THRA: variants seen among roughly 807,000 people sequenced by gnomAD.
THRA encodes thyroid hormone receptor alpha.
Under a neutral mutation model 45.0 loss-of-function variants are expected in THRA, and 13 were observed. The observed-to-expected ratio is 0.29, with a 90% CI of 0.19 to 0.46. THRA has a LOEUF of 0.46. Among genes scored for constraint, THRA ranks in the 20% least tolerant of loss-of-function variants. The pLI, the probability that THRA is intolerant of heterozygous loss-of-function variation, is 1.00. For synonymous variants in THRA, 195 were observed against 214.0 expected (o/e 0.91, Z 0.78); for missense variants, 278 against 556.1 (o/e 0.50, Z 5.03).
At chr17:40,088,946 C>T (rs1316441793) in intron 8 of THRA, among the ~76,000 whole-genome samples, 1 of 149,024 alleles carries the variant, frequency 6.7e-6, no homozygotes, top group Non-Finnish European at 1.5e-5. Context: ...TCTCCCCCAG[C>T]CCCCGGCCTG....
chr17:40,092,904 T>G lies in THRA; in HGVS notation c.*3448T>G. 4 of 1,407,878 alleles carry G rather than the reference T, an allele frequency of 2.8e-6. No homozygotes were observed. The highest frequency in any genetic ancestry group is 2.5e-5 in the East Asian group (1 of 40,370). The allele number at this position is 1,407,878 out of a possible 1,614,324, so 87.2% of individuals were successfully genotyped here. Reference sequence around the variant, plus strand: ...TAGGGGAGGAGGGGAAGTTCGGTGATGGGGGAGGGAGGCAGGTATTTACAA... The same window carrying G: ...TAGGGGAGGAGGGGAAGTTCGGTGAGGGGGGAGGGAGGCAGGTATTTACAA... On this transcript the variant is annotated 3_prime_UTR_variant, in exon 9 of 9. Coordinates refer to ENST00000450525, the MANE Select transcript of THRA (RefSeq NM_199334.5).
At position 40,089,858 on chromosome 17, in the gene THRA, C is replaced by T; in HGVS notation, c.*402C>T. 3 of 1,032,612 alleles carry T rather than the reference C, an allele frequency of 2.9e-6. No homozygotes were observed. The highest frequency in any genetic ancestry group is 3.5e-6 in the Non-Finnish European group (3 of 858,500). 64.0% of individuals were successfully genotyped at this position (1,032,612 alleles called of 1,614,324 possible). ...CACACACATGAGAGAGAGCCCCCAC[C>T]CAGTTCCTTGGCCTAGGTCTCCCCT... On this transcript the variant is annotated 3_prime_UTR_variant, in exon 9 of 9. Transcript: ENST00000450525. The surrounding 1 kb of genome is among the most constrained non-coding windows in gnomAD (Gnocchi z 6.1).
At position 40,088,322 on chromosome 17, in the gene THRA, C is replaced by T; in HGVS notation, c.804C>T (p.Asp268=). The T allele has an allele frequency of 6.2e-7, 1 of 1,613,902 alleles. No homozygotes were observed. Among genetic ancestry groups the T allele is most frequent in the Non-Finnish European group, 8.5e-7 (1 of 1,179,812 alleles). ...IMSLRAAVRY[D]PESDTLTLSG... ...CCCTGCGGGCGGCTGTCCGCTACGA[C>T]CCTGAGAGCGACACCCTGACGCTGA... is the stretch of plus-strand genomic sequence containing the variant. Residue 268 remains aspartate, a synonymous_variant, in exon 8 of 9, where the codon GAC becomes GAT. Transcript: ENST00000450525.
At chr17:40,084,519 AC>A in intron 5 of THRA, 90 bp from the exon 6 acceptor site, 1 of 1,468,982 alleles carries the variant, frequency 6.8e-7, no homozygotes, top group East Asian at 2.3e-5. Flanking sequence ...GGTTTCTCCA[AC>A]CTGTACTCTA....
intron 8 of THRA, among the ~76,000 whole-genome samples, chr17:40,088,900 A>C (rs1598398425): frequency 1.8e-5 from 2 of 112,496 alleles, no homozygotes; most frequent in Admixed American, 1.9e-4. Flanking sequence ...CTCTCTGACC[A>C]CCAACCTCAG....
At chr17:40,074,647 C>T (rs1986888587) in intron 2 of THRA, 106 bp downstream of exon 2, 14 of 1,237,044 alleles carry the variant, frequency 1.1e-5, no homozygotes, top group Middle Eastern at 1.9e-4. Context: ...GTGGGATGGA[C>T]GTGAGGCCAG....
At chr17:40,078,675 G>T in intron 4 of THRA, among the ~76,000 whole-genome samples, 1 of 150,934 alleles carries the variant, frequency 6.6e-6, no homozygotes, top group Admixed American at 6.6e-5. Context: ...TTCAAAATGT[G>T]GTTCATGGAC....
chr17:40,074,420 C>CG lies in THRA; in HGVS notation c.-62dup, dbSNP rs1351207088. The stretch of plus-strand genomic sequence containing the variant: ...GGGGGTGGGTGGCCTGTGGGTGTGC[C>CG]GGGGGGGCCAGTGTGCCCACCCCAG... On this transcript the variant is annotated 5_prime_UTR_variant, in exon 2 of 9. Coordinates refer to ENST00000450525, the MANE Select transcript of THRA (RefSeq NM_199334.5). 32 of 1,569,870 alleles carry CG rather than the reference C, an allele frequency of 2.0e-5. No individual in the cohort carries two copies. The highest frequency in any genetic ancestry group is 3.4e-5 in the Admixed American group (2 of 59,362).
chr17:40,074,618 A>T (rs1986887284), intron 2 of THRA, 77 bp downstream of exon 2: 1 of 1,514,118 alleles, frequency 6.6e-7, no homozygotes, highest in Admixed American at 1.7e-5. Flanking sequence ...TCCTTTAGGC[A>T]CCGCCTTTAA....
chr17:40,077,365 G>C (rs976089322), intron 3 of THRA, 143 bp from the exon 4 acceptor site: 1 of 662,278 alleles, frequency 1.5e-6, no homozygotes, highest in African/African-American at 1.8e-5. Flanking sequence ...GGTTCACCTC[G>C]TGTCTCTCTA....
intron 6 of THRA, 94 bp from the exon 7 acceptor site, chr17:40,086,613 A>C (rs1479606804): frequency 2.0e-6 from 3 of 1,510,738 alleles, no homozygotes; most frequent in Middle Eastern, 3.5e-4. Flanking sequence ...CCTCTTCCCC[A>C]AGCTGCCTTG....
rs1987413440 is a variant in THRA at position 40,088,516 on chromosome 17, T to C, written c.982+16T>C. The C allele has an allele frequency of 1.9e-6, 3 of 1,599,572 alleles. No homozygotes were observed. In the African/African-American group the frequency reaches 4.0e-5, roughly 21 times the overall value. ...ATGTCAACAGGTACCTGCTGATTAGTCGGGAGGGCTCAGAAGCTTCCAGGG... is the reference window on the plus strand; with the variant it reads ...ATGTCAACAGGTACCTGCTGATTAGCCGGGAGGGCTCAGAAGCTTCCAGGG... On this transcript the variant is annotated intron_variant, in intron 8 of 8. Transcript: ENST00000450525.
At chr17:40,075,496 C>G (rs1986920810) in intron 2 of THRA, among the ~76,000 whole-genome samples, 1 of 152,236 alleles carries the variant, frequency 6.6e-6, no homozygotes, top group Non-Finnish European at 1.5e-5. Flanking sequence ...AAGCCTCACC[C>G]CAGGAAGGAC....
Position 40,091,276 on chromosome 17 carries a change from A to T in THRA, c.*1820A>T, listed in dbSNP as rs1241174618. 2 of 152,766 alleles carry T rather than the reference A, an allele frequency of 1.3e-5. No homozygotes were observed. The highest frequency in any genetic ancestry group is 2.9e-5 in the Non-Finnish European group (2 of 69,734). 9.5% of individuals were successfully genotyped at this position (152,766 alleles called of 1,614,324 possible). ...CACACACACACACACACACACGGAC[A>T]TGCACACACGGACATGGGAAGGCAA... On this transcript the variant is annotated 3_prime_UTR_variant, in exon 9 of 9. Coordinates refer to ENST00000450525, the MANE Select transcript of THRA (RefSeq NM_199334.5).
chr17:40,075,690 C>T (rs796563873), intron 2 of THRA, among the ~76,000 whole-genome samples: 30 of 152,316 alleles, frequency 2.0e-4, no homozygotes, highest in African/African-American at 7.0e-4. Context: ...CATGTCTATG[C>T]GCCACCTTGT....
chr17:40,063,250 C>T (rs1410350019), intron 1 of THRA, among the ~76,000 whole-genome samples, 158 bp downstream of exon 1: 1 of 152,218 alleles, frequency 6.6e-6, no homozygotes, highest in Non-Finnish European at 1.5e-5. Context: ...GTGACCCTGT[C>T]ACGAGCCCGG....
intron 1 of THRA, among the ~76,000 whole-genome samples, chr17:40,069,211 A>G (rs1320627796): frequency 7.2e-6 from 1 of 138,514 alleles, no homozygotes; most frequent in African/African-American, 2.7e-5. Context: ...CACACTCTCA[A>G]TCTTTCTCTC....
At position 40,084,831 on chromosome 17, in the gene THRA, G is replaced by C; in HGVS notation, c.576+16G>C. The C allele has an allele frequency of 6.2e-7, 1 of 1,612,290 alleles. No homozygotes were observed. The highest frequency in any genetic ancestry group is 8.5e-7 in the Non-Finnish European group (1 of 1,179,802). Reference sequence around the variant, plus strand: ...GAAATTCCTGGTAAGGAGAAAGGGGGCATGGGGAGAGCAGTAGCCAGGTGG... The same window carrying C: ...GAAATTCCTGGTAAGGAGAAAGGGGCCATGGGGAGAGCAGTAGCCAGGTGG... On this transcript the variant is annotated intron_variant, in intron 6 of 8. Coordinates refer to ENST00000450525, the MANE Select transcript of THRA (RefSeq NM_199334.5).
intron 4 of THRA, among the ~76,000 whole-genome samples, chr17:40,079,287 C>T (rs900299558): frequency 2.0e-5 from 3 of 152,132 alleles, no homozygotes; most frequent in East Asian, 1.9e-4. Flanking sequence ...CGCTCTGTTG[C>T]CCAGCCTGGA....
Sources: gnomAD v4.1 joint callset for allele counts (sites outside exome capture counted in the v4.1 genomes callset) on GRCh38, gnomAD v4.1.1 for gene constraint, Gnocchi (gnomAD v3.1) non-coding constraint, MANE v1.5 for transcripts, NCBI Gene and HGNC (gene_info 2026-07-23, HGNC 2026-07-21) for gene names.